Variants in FARP1 observed in about 807,000 individuals in gnomAD.
FARP1 encodes FERM, ARHGEF and pleckstrin domain-containing protein 1.
In FARP1, 52 loss-of-function variants were observed where a neutral mutation model predicts 128.8. The observed-to-expected ratio is 0.40, with a 90% CI of 0.32 to 0.51. The LOEUF is 0.51. Ranked by LOEUF, FARP1 falls within the 20% of genes least tolerant of loss-of-function variation. The probability of loss-of-function intolerance (pLI) is 0.45; values close to 1 mark genes in which losing one functional copy is unlikely to be tolerated. For synonymous variants in FARP1, 580 were observed against 551.8 expected, an observed-to-expected ratio of 1.05 and a Z score of -0.72; for missense variants, 1,333 against 1,367.9, an observed-to-expected ratio of 0.97 and a Z score of 0.40.
chr13:98,335,966 C>G (rs913126194), intron 2 of FARP1, among the ~76,000 whole-genome samples: 5 of 152,142 alleles, frequency 3.3e-5, no homozygotes, highest in African/African-American at 1.2e-4. Flanking sequence ...CAAAACGGCT[C>G]TCTGTAACCC....
intron 2 of FARP1, among the ~76,000 whole-genome samples, chr13:98,232,145 G>GTTTTTTTTTTTTTTTTTTTTTTTTTTTTT (rs59209045): frequency 9.5e-6 from 1 of 105,790 alleles, no homozygotes; most frequent in African/African-American, 3.8e-5. Context: ...TGTTTGGTTG[G>GTTTTTTTTTTTTTTTTTTTTTTTTTTTTT]TTTTTTTTTT....
chr13:98,337,595 ATAAGT>A (rs1887799249), intron 2 of FARP1, among the ~76,000 whole-genome samples: 1 of 134,924 alleles, frequency 7.4e-6, no homozygotes, highest in East Asian at 3.3e-4. Context: ...GTGTTTTGAA[ATAAGT>A]TAACCTTTAA....
chr13:98,177,063 C>T (rs1566703048), intron 1 of FARP1: 4 of 1,595,954 alleles, frequency 2.5e-6, no homozygotes, highest in Non-Finnish European at 3.4e-6. Context: ...CCCGCGGGGG[C>T]TGAGCCACTG....
intron 2 of FARP1, among the ~76,000 whole-genome samples, chr13:98,262,481 A>C (rs139294649): frequency 6.6e-6 from 1 of 152,020 alleles, no homozygotes; most frequent in Non-Finnish European, 1.5e-5. Flanking sequence ...GTGTTTTTCT[A>C]TTGAAGATCA....
At chr13:98,379,190 A>T (rs28607720) in intron 6 of FARP1, among the ~76,000 whole-genome samples, 5 of 71,870 alleles carry the variant, frequency 7.0e-5, no homozygotes, top group Non-Finnish European at 1.2e-4. Context: ...AATATATATA[A>T]TATATAATAT....
chr13:98,368,313 C>G (rs1889186081), intron 5 of FARP1, 118 bp downstream of exon 5: 2 of 727,608 alleles, frequency 2.7e-6, no homozygotes, highest in African/African-American at 3.6e-5. Flanking sequence ...AGCATCTGTT[C>G]TGTACTGAAC....
chr13:98,170,343 C>T (rs1013592605), intron 1 of FARP1, among the ~76,000 whole-genome samples: 1 of 151,800 alleles, frequency 6.6e-6, no homozygotes, highest in African/African-American at 2.4e-5. Context: ...GCCACCATGC[C>T]TGGCTAATTT....
At chr13:98,377,412 C>T (rs1275802812) in intron 5 of FARP1, among the ~76,000 whole-genome samples, 19 of 148,680 alleles carry the variant, frequency 1.3e-4, no homozygotes, top group African/African-American at 4.7e-4. Flanking sequence ...TTGTTTTTCT[C>T]ATTTCATTGG....
intron 2 of FARP1, among the ~76,000 whole-genome samples, chr13:98,330,866 G>A (rs1233241762): frequency 6.6e-6 from 1 of 152,224 alleles, no homozygotes; most frequent in Admixed American, 6.5e-5. Context: ...TGTATGTGCA[G>A]TAGAGTCATT....
rs746249444 is a variant in FARP1 at position 98,431,116 on chromosome 13, G to T, written c.1979G>T (p.Arg660Leu). The T allele has an allele frequency of 4.3e-6, 7 of 1,614,014 alleles. No homozygotes were observed. Among genetic ancestry groups the T allele is most frequent in the Non-Finnish European group, 5.9e-6 (7 of 1,180,042 alleles). Reference protein sequence around the residue: ...ALENGIKSSRRLENFCRDFEL... With the variant: ...ALENGIKSSRLLENFCRDFEL... Reference sequence around the variant, plus strand: ...GAGAATGGAATCAAGAGCTCCCGGCGGCTGGAGAACTTCTGCAGAGACTTT... The same window carrying T: ...GAGAATGGAATCAAGAGCTCCCGGCTGCTGGAGAACTTCTGCAGAGACTTT... The change falls in exon 18 of 27, where the codon CGG (arginine) becomes CTG (leucine). Residue 660 changes from arginine (R) to leucine (L), a missense_variant. Physicochemically the swap from Arg to Leu is moderately radical, Grantham distance 102. Coordinates refer to ENST00000319562, the MANE Select transcript of FARP1 (RefSeq NM_005766.4).
chr13:98,270,189 T>G (rs1884324177), intron 2 of FARP1, among the ~76,000 whole-genome samples: 1 of 152,198 alleles, frequency 6.6e-6, no homozygotes. Context: ...TTAGGTGATT[T>G]TCCAGTGGTG....
chr13:98,174,675 T>G (rs1877873268), intron 1 of FARP1, among the ~76,000 whole-genome samples: 1 of 152,204 alleles, frequency 6.6e-6, no homozygotes, highest in Non-Finnish European at 1.5e-5. Flanking sequence ...ATGGGGCACT[T>G]GAACTGTCTG....
At position 98,258,613 on chromosome 13, in the gene FARP1, G is replaced by A. The variant is rs114141057; in HGVS notation, c.171+45200G>A. On this transcript the variant is annotated intron_variant, in intron 2 of 26. Coordinates refer to ENST00000319562, the MANE Select transcript of FARP1 (RefSeq NM_005766.4). The stretch of plus-strand genomic sequence containing the variant: ...TCATGCTTGTGATCACAGCATTTTG[G>A]GAGGCCGAGGTTGGAGGATCTCTTG... Among the ~76,000 whole-genome samples, 479 of 152,220 alleles carry A rather than the reference G, an allele frequency of 3.1e-3. 1 individual carries two copies. Among genetic ancestry groups the A allele is most frequent in the African/African-American group, 0.011 (443 of 41,536 alleles).
Position 98,440,829 on chromosome 13 carries a change from C to T in FARP1, c.2789C>T (p.Ala930Val). The T allele has an allele frequency of 6.2e-7, 1 of 1,605,482 alleles. No homozygotes were observed. Among genetic ancestry groups the T allele is most frequent in the Admixed American group, 1.7e-5 (1 of 58,918 alleles). ...TSVSMVDFSIAVENQLSGNLL... is the reference protein window; with the variant it reads ...TSVSMVDFSIVVENQLSGNLL... ...GTCTCCATGGTGGACTTCAGCATCG[C>T]AGTGGAGGTACGCAGGGGCAGGGCA... The change falls in exon 24 of 27, where the codon GCA (alanine) becomes GTA (valine). Residue 930 changes from alanine to valine, a missense_variant. Ala to Val is a moderately conservative substitution (Grantham distance 64, BLOSUM62 0). Coordinates refer to ENST00000319562, the MANE Select transcript of FARP1 (RefSeq NM_005766.4).
chr13:98,438,438 C>T (rs1566320747), intron 19 of FARP1, among the ~76,000 whole-genome samples: 1 of 152,242 alleles, frequency 6.6e-6, no homozygotes, highest in South Asian at 2.1e-4. Context: ...CACACATGGT[C>T]CTCAGAGAGG....
At chr13:98,396,808 A>G in intron 13 of FARP1, 1 of 231,892 alleles carries the variant, frequency 4.3e-6, no homozygotes, top group Non-Finnish European at 8.3e-6. Flanking sequence ...GATCATGTGT[A>G]TAGTGTGTTA....
chr13:98,443,036 T>C (rs1206909916), intron 24 of FARP1, among the ~76,000 whole-genome samples: 1 of 152,214 alleles, frequency 6.6e-6, no homozygotes, highest in Non-Finnish European at 1.5e-5. Context: ...GGTCGCAGCC[T>C]TCCGTGTGCA....
At chr13:98,151,217 T>C (rs1875973882) in intron 1 of FARP1, among the ~76,000 whole-genome samples, 1 of 152,168 alleles carries the variant, frequency 6.6e-6, no homozygotes, top group Non-Finnish European at 1.5e-5. Context: ...GTTTTATTAC[T>C]GGTTATTGTT....
chr13:98,318,070 T>C (rs1006316387), intron 2 of FARP1, among the ~76,000 whole-genome samples: 16 of 81,034 alleles, frequency 2.0e-4, no homozygotes, highest in East Asian at 4.3e-4. Flanking sequence ...TCCTCCTCCT[T>C]TTTTTTTTTT....
Sources: allele counts gnomAD v4.1 joint callset (sites outside exome capture counted in the v4.1 genomes callset), GRCh38; gene constraint gnomAD v4.1.1; transcripts MANE v1.5; gene names NCBI Gene and HGNC (gene_info 2026-07-23, HGNC 2026-07-21).